The following NTM variants were observed in gnomAD, a reference collection of about 807,000 sequenced individuals.
NTM encodes the protein IgLON family member 2.
NTM carries 13 observed loss-of-function variants against 42.1 expected under a neutral mutation model. The observed-to-expected ratio is 0.31, with a 90% CI of 0.20 to 0.49. The LOEUF is 0.49. NTM is among the 20% of genes least tolerant of loss of function. NTM has a pLI of 0.99. For missense variants in NTM, 373 were observed against 452.8 expected, an observed-to-expected ratio of 0.82 and a Z score of 1.60; for synonymous variants, 187 against 179.2, an observed-to-expected ratio of 1.04 and a Z score of -0.35.
At chr11:132,238,194 C>T (rs2089453861) in intron 4 of NTM, among the ~76,000 whole-genome samples, 1 of 152,074 alleles carries the variant, frequency 6.6e-6, no homozygotes, top group Non-Finnish European at 1.5e-5. Context: ...GGGAGACATC[C>T]TTTGAGAAGA....
chr11:132,252,051 G>C (rs1014079911), intron 4 of NTM, among the ~76,000 whole-genome samples: 12 of 152,166 alleles, frequency 7.9e-5, no homozygotes, highest in Non-Finnish European at 1.3e-4. Flanking sequence ...CTTGAAAGCA[G>C]GTTTGTCCTT....
At chr11:131,372,839 C>T (rs11222590) in intron 1 of NTM, among the ~76,000 whole-genome samples, 5 of 151,840 alleles carry the variant, frequency 3.3e-5, no homozygotes, top group Admixed American at 2.6e-4. Context: ...AATATTTGCT[C>T]ATACTTTGAA....
intron 1 of NTM, among the ~76,000 whole-genome samples, chr11:131,711,820 T>C (rs2077169362): frequency 6.6e-6 from 1 of 152,002 alleles, no homozygotes; most frequent in Admixed American, 6.6e-5. Context: ...GACGAGTTCA[T>C]GTCCTTTGTA....
chr11:131,598,826 C>CT lies in NTM; in HGVS notation c.82+227940dup, dbSNP rs1309659994. ...TTCTTTCTTTCTTCTTTCTTTCTTT[C>CT]TTCTTTCTTTCTTTCTTTCTTTCTT... On this transcript the variant is annotated intron_variant, in intron 1 of 8. Coordinates refer to ENST00000683400, the MANE Select transcript of NTM (RefSeq NM_001352005.2). 1.7e-4 allele frequency among the ~76,000 whole-genome samples: 7 copies of CT among 40,436 alleles called. 1 individual carries two copies. Among genetic ancestry groups the CT allele is most frequent in the African/African-American group, 4.7e-4 (7 of 14,786 alleles). The allele number at this position is 40,436 out of a possible 152,430, so 26.5% of individuals were successfully genotyped here.
At chr11:131,941,727 T>C (rs1342590563) in intron 2 of NTM, among the ~76,000 whole-genome samples, 1 of 152,214 alleles carries the variant, frequency 6.6e-6, no homozygotes, top group African/African-American at 2.4e-5. Context: ...AAAAATGGAC[T>C]CTTGTTATTA....
chr11:131,668,079 G>A (rs2069403017), intron 1 of NTM, among the ~76,000 whole-genome samples: 1 of 152,192 alleles, frequency 6.6e-6, no homozygotes, highest in African/African-American at 2.4e-5. Context: ...GGGAGGTTAA[G>A]TATCTTGAAC....
At chr11:131,755,956 C>T (rs1268244588) in intron 1 of NTM, among the ~76,000 whole-genome samples, 1 of 152,224 alleles carries the variant, frequency 6.6e-6, no homozygotes, top group African/African-American at 2.4e-5. Context: ...TCCTTTCCCA[C>T]TGCTTCTCTG....
chr11:132,187,214 CGTGTGTGTGTGT>C (rs55849086), intron 3 of NTM, among the ~76,000 whole-genome samples: 3 of 148,460 alleles, frequency 2.0e-5, no homozygotes, highest in East Asian at 2.0e-4. Flanking sequence ...GCTCAGATGG[CGTGTGTGTGTGT>C]GTGTGTGTGT....
chr11:131,757,373 A>G (rs1241147761), intron 1 of NTM, among the ~76,000 whole-genome samples: 3 of 152,204 alleles, frequency 2.0e-5, no homozygotes, highest in Non-Finnish European at 2.9e-5. Flanking sequence ...GGAGTCATGC[A>G]TGGACTCCAA....
At chr11:131,564,781 G>T (rs2137030621) in intron 1 of NTM, among the ~76,000 whole-genome samples, 1 of 152,230 alleles carries the variant, frequency 6.6e-6, no homozygotes, top group East Asian at 1.9e-4. Flanking sequence ...TCCTCTTTGA[G>T]CCTTCTTCAG....
intron 4 of NTM, among the ~76,000 whole-genome samples, chr11:132,302,270 C>T (rs576259625): frequency 2.4e-4 from 37 of 151,570 alleles, no homozygotes; most frequent in South Asian, 6.3e-4. Flanking sequence ...CATACTTCTT[C>T]ATTGATCTAC....
At chr11:131,928,598 CTGTT>C (rs1365537502) in intron 2 of NTM, among the ~76,000 whole-genome samples, 1 of 150,392 alleles carries the variant, frequency 6.6e-6, no homozygotes, top group African/African-American at 2.5e-5. Context: ...ACTGCAAACT[CTGTT>C]TGTTTTCTGT....
intron 1 of NTM, among the ~76,000 whole-genome samples, chr11:131,907,879 T>C (rs1162428606): frequency 6.6e-6 from 1 of 152,200 alleles, no homozygotes; most frequent in East Asian, 1.9e-4. Flanking sequence ...GATTAAGGGC[T>C]GGGAAGTGAG....
chr11:132,071,173 GGTTA>G (rs909413665), intron 2 of NTM, among the ~76,000 whole-genome samples: 9 of 141,106 alleles, frequency 6.4e-5, no homozygotes, highest in Non-Finnish European at 1.3e-4. Context: ...GACCATCACA[GGTTA>G]GTTAACACGT....
intron 1 of NTM, among the ~76,000 whole-genome samples, chr11:131,594,791 C>T (rs767631571): frequency 2.0e-5 from 3 of 152,160 alleles, no homozygotes; most frequent in Non-Finnish European, 2.9e-5. Flanking sequence ...TGAGCTCTGG[C>T]TTGTTCACCT....
intron 2 of NTM, among the ~76,000 whole-genome samples, chr11:131,983,097 T>C (rs1301130870): frequency 6.6e-6 from 1 of 151,972 alleles, no homozygotes; most frequent in Admixed American, 6.6e-5. Context: ...ACACCCATTG[T>C]CTAAAGAAGA....
intron 1 of NTM, among the ~76,000 whole-genome samples, chr11:131,376,782 G>A (rs769179424): frequency 2.1e-4 from 32 of 151,802 alleles, no homozygotes; most frequent in Non-Finnish European, 4.4e-4. Context: ...CTCGCTAGTG[G>A]TGCTTCCTTT....
At chr11:132,177,590 T>C (rs112582761) in intron 3 of NTM, among the ~76,000 whole-genome samples, 4,492 of 152,320 alleles carry the variant, frequency 0.029, 215 homozygotes, top group African/African-American at 0.099. Flanking sequence ...AGAAGATGAC[T>C]GATTTTTTCC....
chr11:131,618,546 G>A (rs888648959), intron 1 of NTM, among the ~76,000 whole-genome samples: 37 of 152,224 alleles, frequency 2.4e-4, no homozygotes, highest in African/African-American at 8.2e-4. Context: ...GATTCATTCC[G>A]GTGGGAGCAG....
Sources: allele counts gnomAD v4.1 joint callset (sites outside exome capture counted in the v4.1 genomes callset), GRCh38; gene constraint gnomAD v4.1.1; transcripts MANE v1.5; gene names NCBI Gene and HGNC (gene_info 2026-07-23, HGNC 2026-07-21).